Variants in PDZD2 observed in about 807,000 individuals in gnomAD.
The protein encoded by PDZD2 is PDZ domain containing 2, also known as PDZ domain-containing protein 2.
In PDZD2, 90 loss-of-function variants were observed where a neutral mutation model predicts 220.7. The observed-to-expected ratio is 0.41, with a 90% CI of 0.34 to 0.49. The LOEUF (loss-of-function observed/expected upper bound fraction) is 0.49, where lower values mean the gene tolerates loss of function less well. Among genes scored for constraint, PDZD2 ranks in the 20% least tolerant of loss-of-function variants. The probability of loss-of-function intolerance (pLI) is 0.28; values close to 1 mark genes in which losing one functional copy is unlikely to be tolerated. For missense variants in PDZD2, 3,174 were observed against 3,608.5 expected (o/e 0.88, Z 3.08); for synonymous variants, 1,375 against 1,450.5 (o/e 0.95, Z 1.18).
chr5:31,885,234 GA>G (rs947055147), intron 2 of PDZD2, among the ~76,000 whole-genome samples: 3 of 142,836 alleles, frequency 2.1e-5, no homozygotes, highest in African/African-American at 3.0e-5. Flanking sequence ...AAAGCAGTGG[GA>G]TTTTTTTTTT....
At chr5:32,069,775 C>T (rs1740585403) in intron 15 of PDZD2, 125 bp downstream of exon 15, 1 of 636,786 alleles carries the variant, frequency 1.6e-6, no homozygotes, top group Non-Finnish European at 2.9e-6. Flanking sequence ...AAGTAGCTGT[C>T]AAAGACAGTC....
intron 24 of PDZD2, among the ~76,000 whole-genome samples, chr5:32,102,312 A>AG (rs1744326960): frequency 1.3e-5 from 2 of 152,126 alleles, no homozygotes; most frequent in African/African-American, 4.8e-5. Context: ...ACCCAGGAGC[A>AG]GGGGCTCAGC....
At chr5:31,984,270 G>A in intron 3 of PDZD2, among the ~76,000 whole-genome samples, 1 of 152,138 alleles carries the variant, frequency 6.6e-6, no homozygotes, top group Non-Finnish European at 1.5e-5. Flanking sequence ...GTCAAAGTTG[G>A]TTACCACACC....
intron 2 of PDZD2, among the ~76,000 whole-genome samples, chr5:31,833,936 G>A (rs2150273980): frequency 6.6e-6 from 1 of 152,354 alleles, no homozygotes; most frequent in Non-Finnish European, 1.5e-5. Flanking sequence ...GGGTGGTTGA[G>A]AGGCCAGGTT....
chr5:32,105,564 G>A lies in PDZD2; in HGVS notation c.8354-2405G>A, dbSNP rs143576978. Among the ~76,000 whole-genome samples the A allele has an allele frequency of 3.3e-3, 502 of 152,198 alleles. 1 individual carries two copies. The highest frequency in any genetic ancestry group is 4.8e-3 in the Non-Finnish European group (328 of 67,996). ...TCTAAAGGAAAGCTAAATAGCAGTT[G>A]AAAAAATAAATTACACCTCTCTCTA... On this transcript the variant is annotated intron_variant, in intron 24 of 24. Coordinates refer to ENST00000438447, the MANE Select transcript of PDZD2 (RefSeq NM_178140.4).
intron 5 of PDZD2, among the ~76,000 whole-genome samples, chr5:32,001,795 G>A (rs1752125823): frequency 6.6e-6 from 1 of 152,078 alleles, no homozygotes; most frequent in South Asian, 2.1e-4. Context: ...CGTCTATGTG[G>A]CCTGGTGAGA....
intron 1 of PDZD2, among the ~76,000 whole-genome samples, chr5:31,680,407 G>A (rs1215322567): frequency 6.6e-6 from 1 of 152,168 alleles, no homozygotes; most frequent in Non-Finnish European, 1.5e-5. Context: ...GAAGGGTTCT[G>A]GGCTCAAATA....
Position 31,808,746 on chromosome 5 carries a change from G to A in PDZD2, c.476+9022G>A, listed in dbSNP as rs149592347. ...AATGCCAGCACTTGGGGAGGCTGAG[G>A]CGGGTGGATCACTTGAGGTCAGGAG... On this transcript the variant is annotated intron_variant, in intron 2 of 24. Transcript: ENST00000438447. Among the ~76,000 whole-genome samples the A allele has an allele frequency of 5.6e-3, 860 of 152,248 alleles. 14 individuals are homozygous for A. The highest frequency in any genetic ancestry group is 0.02 in the African/African-American group (834 of 41,538).
chr5:31,920,787 C>T (rs960844029), intron 2 of PDZD2, among the ~76,000 whole-genome samples: 1 of 152,136 alleles, frequency 6.6e-6, no homozygotes, highest in Non-Finnish European at 1.5e-5. Context: ...CTTTTTCCCT[C>T]CAACACTTGG....
chr5:32,108,163 C>T lies in PDZD2; in HGVS notation c.*28C>T, dbSNP rs1561624203. ...TTTAACAAGAATCATTTTCTCAGTT[C>T]TCTTCTTTCTTTAGCAAATCAGAGT... On this transcript the variant is annotated 3_prime_UTR_variant, in exon 25 of 25. Coordinates refer to ENST00000438447, the MANE Select transcript of PDZD2 (RefSeq NM_178140.4). 3.3e-6 allele frequency: 5 copies of T among 1,516,608 alleles called. No individual in the cohort carries two copies. The South Asian group carries it at 6.0e-5, about 18-fold the overall frequency. 93.9% of individuals were successfully genotyped at this position (1,516,608 alleles called of 1,614,324 possible).
chr5:31,705,869 G>A (rs1173691646), intron 1 of PDZD2, among the ~76,000 whole-genome samples: 1 of 152,226 alleles, frequency 6.6e-6, no homozygotes, highest in African/African-American at 2.4e-5. Flanking sequence ...GGCCAACATG[G>A]CGAAACCCTA....
chr5:31,858,206 G>A (rs570259804), intron 2 of PDZD2, among the ~76,000 whole-genome samples: 2 of 151,980 alleles, frequency 1.3e-5, no homozygotes, highest in East Asian at 1.9e-4. Context: ...CAGGTGATCC[G>A]CCCATCTTGG....
intron 6 of PDZD2, among the ~76,000 whole-genome samples, chr5:32,029,514 A>G (rs1012089613): frequency 1.3e-5 from 2 of 152,000 alleles, no homozygotes; most frequent in Admixed American, 6.6e-5. Context: ...TTATGTTCAC[A>G]TCATTTCCCC....
At chr5:31,717,840 A>G (rs1748545681) in intron 1 of PDZD2, among the ~76,000 whole-genome samples, 1 of 152,144 alleles carries the variant, frequency 6.6e-6, no homozygotes, top group Non-Finnish European at 1.5e-5. Context: ...CCACCCAGGG[A>G]GTCTTGCTTC....
intron 21 of PDZD2, among the ~76,000 whole-genome samples, chr5:32,094,333 T>C (rs1469076278): frequency 6.6e-6 from 1 of 152,268 alleles, no homozygotes; most frequent in African/African-American, 2.4e-5. Context: ...CTTGGGGCTA[T>C]ACGTAGAGAT....
Position 32,000,646 on chromosome 5 carries a change from G to C in PDZD2, c.1254+375G>C, listed in dbSNP as rs1012213966. Among the ~76,000 whole-genome samples, 3 of 152,134 alleles carry C rather than the reference G, an allele frequency of 2.0e-5. No individual in the cohort carries two copies. The highest frequency in any genetic ancestry group is 7.2e-5 in the African/African-American group (3 of 41,416). ...CTGCCTCAGCCTCCCAAGTAGCTAG[G>C]ATTACAGCCACATGCCATCACACCC... On this transcript the variant is annotated intron_variant, in intron 5 of 24. Transcript: ENST00000438447. The surrounding 1 kb of genome is among the most constrained non-coding windows in gnomAD (Gnocchi z 4.5).
chr5:31,732,631 C>T (rs190582838), intron 1 of PDZD2, among the ~76,000 whole-genome samples: 67 of 152,298 alleles, frequency 4.4e-4, no homozygotes, highest in African/African-American at 1.4e-3. Flanking sequence ...AGATTGTTTC[C>T]TTGGAGAAGG....
At chr5:31,850,882 C>T (rs983496987) in intron 2 of PDZD2, among the ~76,000 whole-genome samples, 3 of 152,040 alleles carry the variant, frequency 2.0e-5, no homozygotes, top group Non-Finnish European at 4.4e-5. Context: ...GTGTTCCACC[C>T]GCCTTGGTCT....
chr5:31,886,747 G>C (rs986112422), intron 2 of PDZD2, among the ~76,000 whole-genome samples: 2 of 151,778 alleles, frequency 1.3e-5, no homozygotes, highest in South Asian at 2.1e-4. Context: ...GCTCAGGCTG[G>C]AGTGCAGTGG....
Sources: allele counts gnomAD v4.1 joint callset (sites outside exome capture counted in the v4.1 genomes callset), GRCh38; gene constraint gnomAD v4.1.1; non-coding constraint Gnocchi (gnomAD v3.1); transcripts MANE v1.5; gene names NCBI Gene and HGNC (gene_info 2026-07-23, HGNC 2026-07-21).